PAK5: variants seen among roughly 807,000 people sequenced by gnomAD.
PAK5 encodes the protein serine/threonine-protein kinase PAK 5.
PAK5 carries 16 observed loss-of-function variants against 65.9 expected under a neutral mutation model. The ratio of observed to expected loss-of-function variants is 0.24; its 90% confidence interval spans 0.16 to 0.37. The LOEUF is 0.37. Ranked by LOEUF, PAK5 falls within the 10% of genes least tolerant of loss-of-function variation. The probability of loss-of-function intolerance (pLI) is 1.00; values close to 1 mark genes in which losing one functional copy is unlikely to be tolerated. For synonymous variants in PAK5, 371 were observed against 354.9 expected (o/e 1.05, Z -0.51); for missense variants, 785 against 903.9 (o/e 0.87, Z 1.69).
chr20:9,761,256 T>C (rs749101932), intron 1 of PAK5, among the ~76,000 whole-genome samples: 4 of 152,180 alleles, frequency 2.6e-5, no homozygotes, highest in Non-Finnish European at 5.9e-5. Context: ...CAGAAGGACA[T>C]CTCTGCTTCT....
chr20:9,607,818 G>A (rs2046482530), intron 3 of PAK5, among the ~76,000 whole-genome samples: 1 of 151,586 alleles, frequency 6.6e-6, no homozygotes, highest in African/African-American at 2.4e-5. Flanking sequence ...AATGCAACAA[G>A]ACTCTGTCTA....
intron 2 of PAK5, among the ~76,000 whole-genome samples, chr20:9,660,673 C>A (rs1036356932): frequency 5.3e-5 from 8 of 152,002 alleles, no homozygotes; most frequent in Non-Finnish European, 1.0e-4. Context: ...GATATTTGAG[C>A]AAATATTTGA....
intron 1 of PAK5, among the ~76,000 whole-genome samples, chr20:9,813,837 C>T (rs190004422): frequency 1.6e-4 from 24 of 152,298 alleles, no homozygotes; most frequent in Admixed American, 7.9e-4. Context: ...CCAGCAAGGG[C>T]TTCTGGGTGC....
chr20:9,545,010 C>A (rs897099079), intron 7 of PAK5, among the ~76,000 whole-genome samples: 2 of 152,138 alleles, frequency 1.3e-5, no homozygotes, highest in African/African-American at 4.8e-5. Context: ...CTTTGCTTAT[C>A]CAGGATGTGG....
At chr20:9,664,242 A>G (rs964498186) in intron 2 of PAK5, among the ~76,000 whole-genome samples, 2 of 152,154 alleles carry the variant, frequency 1.3e-5, no homozygotes, top group Non-Finnish European at 2.9e-5. Flanking sequence ...AAGAGTGTAG[A>G]GCTTTAATGT....
chr20:9,688,288 T>C (rs965598189), intron 2 of PAK5, among the ~76,000 whole-genome samples: 1 of 152,040 alleles, frequency 6.6e-6, no homozygotes, highest in Non-Finnish European at 1.5e-5. Flanking sequence ...CAAATTCTAC[T>C]TCCCACCCCT....
chr20:9,769,918 A>C lies in PAK5; in HGVS notation c.-161-58483T>G, dbSNP rs114304380. ...GTACAAAGAAATTAGCTAGTAGAAG[A>C]ATATAGAACTAGGAGAATGTGTGAT... On this transcript the variant is annotated intron_variant, in intron 1 of 9. Coordinates refer to ENST00000353224, the MANE Select transcript of PAK5 (RefSeq NM_177990.4). Among the ~76,000 whole-genome samples the C allele has an allele frequency of 6.9e-3, 1,057 of 152,366 alleles. 15 individuals carry two copies. Among genetic ancestry groups the C allele is most frequent in the African/African-American group, 0.024 (1,014 of 41,580 alleles).
intron 3 of PAK5, among the ~76,000 whole-genome samples, chr20:9,623,710 C>G (rs900185579): frequency 1.3e-5 from 2 of 152,118 alleles, no homozygotes; most frequent in Non-Finnish European, 2.9e-5. Flanking sequence ...TAAAGAAACT[C>G]TTAGTAATGC....
At chr20:9,798,684 G>A (rs1435947870) in intron 1 of PAK5, among the ~76,000 whole-genome samples, 1 of 152,160 alleles carries the variant, frequency 6.6e-6, no homozygotes, top group South Asian at 2.1e-4. Flanking sequence ...TCCAGGTAGT[G>A]TTTTATGTAC....
chr20:9,540,350 G>A lies in PAK5; in HGVS notation c.2005-733C>T, dbSNP rs116919144. 6.3e-3 allele frequency among the ~76,000 whole-genome samples: 952 copies of A among 152,306 alleles called. 4 individuals carry two copies. Among genetic ancestry groups the A allele is most frequent in the Middle Eastern group, 0.014 (4 of 294 alleles). ...TAGAACTTTTCTACCACTCTAGGAA[G>A]CTACTTTTAGGTTTCCTTCCTGCCA... On this transcript the variant is annotated intron_variant, in intron 9 of 9. Coordinates refer to ENST00000353224, the MANE Select transcript of PAK5 (RefSeq NM_177990.4).
chr20:9,555,173 C>G (rs551317059), intron 7 of PAK5, among the ~76,000 whole-genome samples: 5 of 152,228 alleles, frequency 3.3e-5, no homozygotes, highest in Admixed American at 1.3e-4. Context: ...GTCTGTTACA[C>G]GTAGCAGACA....
chr20:9,618,639 T>G (rs1015482833), intron 3 of PAK5, among the ~76,000 whole-genome samples: 15 of 151,786 alleles, frequency 9.9e-5, no homozygotes, highest in African/African-American at 3.6e-4. Flanking sequence ...GGTCTTGAAC[T>G]CCTGACCTCG....
chr20:9,696,437 C>G (rs1445319274), intron 2 of PAK5, among the ~76,000 whole-genome samples: 1 of 152,040 alleles, frequency 6.6e-6, no homozygotes, highest in African/African-American at 2.4e-5. Flanking sequence ...TATATTACAA[C>G]ATTGTAAATA....
Position 9,563,034 on chromosome 20 carries a change from C to A in PAK5, c.1483-10G>T. 2.5e-6 allele frequency: 4 copies of A among 1,609,658 alleles called. No individual in the cohort carries two copies. Among genetic ancestry groups the A allele is most frequent in the Non-Finnish European group, 3.4e-6 (4 of 1,177,452 alleles). On this transcript the variant is annotated splice_polypyrimidine_tract_variant and intron_variant, in intron 5 of 9. Coordinates refer to ENST00000353224, the MANE Select transcript of PAK5 (RefSeq NM_177990.4). The stretch of plus-strand genomic sequence containing the variant: ...CCCGCATGATCACGACCTGGGGAAA[C>A]GGGAAATATACTTTTGACTTGTGAA...
chr20:9,824,720 A>G (rs1178369347), intron 1 of PAK5, among the ~76,000 whole-genome samples: 1 of 152,148 alleles, frequency 6.6e-6, no homozygotes, highest in Admixed American at 6.6e-5. Context: ...CACCCATCAC[A>G]GCCCTTTTGA....
chr20:9,746,881 T>C (rs1008477026), intron 1 of PAK5, among the ~76,000 whole-genome samples: 2 of 152,170 alleles, frequency 1.3e-5, no homozygotes, highest in East Asian at 3.9e-4. Context: ...CTTCAAAAAA[T>C]TGATGAATCC....
At chr20:9,706,120 T>C (rs2123474760) in intron 2 of PAK5, among the ~76,000 whole-genome samples, 1 of 152,280 alleles carries the variant, frequency 6.6e-6, no homozygotes, top group Non-Finnish European at 1.5e-5. Flanking sequence ...AACACACACA[T>C]GCACAAATCT....
chr20:9,568,942 T>C (rs1436188057), intron 4 of PAK5, among the ~76,000 whole-genome samples: 2 of 152,208 alleles, frequency 1.3e-5, no homozygotes, highest in Non-Finnish European at 2.9e-5. Context: ...CAAACAGCCA[T>C]GTGAGCCATT....
At chr20:9,553,823 TG>T (rs1469756664) in intron 7 of PAK5, among the ~76,000 whole-genome samples, 12 of 152,236 alleles carry the variant, frequency 7.9e-5, no homozygotes, top group Non-Finnish European at 1.8e-4. Flanking sequence ...TTTGTGTACA[TG>T]TTTCTGTGGG....
Sources: allele counts gnomAD v4.1 joint callset (sites outside exome capture counted in the v4.1 genomes callset), GRCh38; gene constraint gnomAD v4.1.1; transcripts MANE v1.5; gene names NCBI Gene and HGNC (gene_info 2026-07-23, HGNC 2026-07-21).